WNK3: variants seen among roughly 807,000 people sequenced by gnomAD.
WNK3 encodes WNK lysine deficient protein kinase 3.
WNK3 carries 18 observed loss-of-function variants against 116.7 expected under a neutral mutation model. The ratio of observed to expected loss-of-function variants is 0.15; its 90% CI spans 0.11 to 0.23. The LOEUF (loss-of-function observed/expected upper bound fraction) is 0.23. Ranked by LOEUF, WNK3 falls within the 10% of genes least tolerant of loss-of-function variation. The pLI is 1.00. For synonymous variants in WNK3, 404 were observed against 469.4 expected, an observed-to-expected ratio of 0.86 and a Z score of 1.80; for missense variants, 993 against 1,323.8, an observed-to-expected ratio of 0.75 and a Z score of 3.88.
At chrX:54,280,165 C>T (rs1346847543) in intron 10 of WNK3, among the ~76,000 whole-genome samples, 1 of 110,746 alleles carries the variant, frequency 9.0e-6, no homozygotes, top group Non-Finnish European at 1.9e-5. Flanking sequence ...GGCACGGTGG[C>T]AGGCAACTGT....
chrX:54,197,010 C>A (rs782098355), exon 24 of WNK3: 1 of 112,161 alleles, frequency 8.9e-6, no homozygotes, highest in African/African-American at 3.2e-5. Context: ...CTAGGGTCTA[C>A]TATCTCACTG....
In WNK3 at chrX:54,347,711, C is replaced by CAT. The variant is rs202219308; in HGVS notation, c.-120+9973_-120+9974dup. ...ATATATATACACATATATATATACA[C>CAT]ATATATATATATAAAACACAATGTA... On this transcript the variant is annotated intron_variant, in intron 1 of 23. Coordinates refer to ENST00000354646, the Ensembl canonical transcript of WNK3. Among the ~76,000 whole-genome samples the CAT allele has an allele frequency of 3.5e-3, 364 of 103,336 alleles. 2 individuals carry two copies. The highest frequency in any genetic ancestry group is 0.012 in the African/African-American group (338 of 28,249). The allele number at this position is 103,336 out of a possible 115,157, so 89.7% of individuals were successfully genotyped here.
intron 22 of WNK3, among the ~76,000 whole-genome samples, chrX:54,216,341 T>C (rs2067695587): frequency 9.3e-6 from 1 of 108,012 alleles, no homozygotes. Context: ...AAGATTTCTA[T>C]TTCCCAAGTG....
At chrX:54,230,610 T>C (rs1460855440) in intron 21 of WNK3, among the ~76,000 whole-genome samples, 1 of 111,982 alleles carries the variant, frequency 8.9e-6, no homozygotes, top group Non-Finnish European at 1.9e-5. Context: ...GGTTTGTTAG[T>C]TTTTAAAAAA....
chrX:54,348,602 T>C (rs981208333), intron 1 of WNK3, among the ~76,000 whole-genome samples: 1 of 112,242 alleles, frequency 8.9e-6, no homozygotes, highest in Admixed American at 9.6e-5. Context: ...CCATGGGCAA[T>C]GTACCAATTT....
At chrX:54,205,267 C>A (rs868959542) in intron 22 of WNK3, among the ~76,000 whole-genome samples, 3 of 102,919 alleles carry the variant, frequency 2.9e-5, no homozygotes, top group Non-Finnish European at 5.8e-5. Context: ...AACCAACCAA[C>A]CAAACAAACA....
intron 10 of WNK3, among the ~76,000 whole-genome samples, chrX:54,273,618 A>T (rs2068409022): frequency 8.9e-6 from 1 of 112,191 alleles, no homozygotes; most frequent in Non-Finnish European, 1.9e-5. Flanking sequence ...ACAGACCATA[A>T]ATGGTAAAGA....
chrX:54,202,018 C>T (rs1557141744), exon 23 of WNK3: 4 of 1,209,748 alleles, frequency 3.3e-6, no homozygotes, highest in Non-Finnish European at 4.5e-6. Context: ...AGTTTTCTGT[C>T]TCTAGTTTGT....
At chrX:54,328,534 C>A (rs898511905) in intron 2 of WNK3, among the ~76,000 whole-genome samples, 1 of 109,327 alleles carries the variant, frequency 9.1e-6, no homozygotes, top group African/African-American at 3.3e-5. Flanking sequence ...TGAGCCCAGG[C>A]ATTCGAGGTT....
intron 2 of WNK3, among the ~76,000 whole-genome samples, chrX:54,327,959 A>G (rs1399910739): frequency 9.3e-6 from 1 of 108,082 alleles, no homozygotes; most frequent in Non-Finnish European, 1.9e-5. Context: ...ACAGAGGGAG[A>G]CCCTGTCTCA....
At chrX:54,299,718 C>G (rs1206700097) in intron 6 of WNK3, among the ~76,000 whole-genome samples, 1 of 110,901 alleles carries the variant, frequency 9.0e-6, no homozygotes, top group African/African-American at 3.3e-5. Flanking sequence ...AAGACTAAAG[C>G]GAGATGTGTT....
At chrX:54,347,191 T>C (rs2069443267) in intron 1 of WNK3, among the ~76,000 whole-genome samples, 1 of 112,382 alleles carries the variant, frequency 8.9e-6, no homozygotes, top group African/African-American at 3.2e-5. Context: ...GGAATATATA[T>C]AAAGACAACC....
chrX:54,304,449 G>A (rs1431763390), intron 5 of WNK3, among the ~76,000 whole-genome samples: 2 of 108,965 alleles, frequency 1.8e-5, no homozygotes, highest in East Asian at 5.8e-4. Context: ...GCTGAGGTGA[G>A]AGGATTGCCT....
intron 2 of WNK3, among the ~76,000 whole-genome samples, chrX:54,321,595 C>T (rs182663111): frequency 3.6e-5 from 4 of 111,607 alleles, no homozygotes; most frequent in African/African-American, 9.8e-5. Context: ...TAAGAAATCA[C>T]GGTATAATAG....
intron 10 of WNK3, among the ~76,000 whole-genome samples, chrX:54,291,593 T>C (rs2068641111): frequency 9.0e-6 from 1 of 111,710 alleles, no homozygotes; most frequent in African/African-American, 3.3e-5. Flanking sequence ...AACTACCACA[T>C]GAGCTCAATT....
intron 10 of WNK3, among the ~76,000 whole-genome samples, chrX:54,262,924 C>A (rs2068270470): frequency 2.0e-5 from 1 of 49,536 alleles, no homozygotes; most frequent in African/African-American, 9.1e-5. Flanking sequence ...AAGAGTGAAA[C>A]TGTCTCAAAA....
intron 10 of WNK3, among the ~76,000 whole-genome samples, chrX:54,271,271 T>C (rs2068381177): frequency 8.9e-6 from 1 of 111,946 alleles, no homozygotes. Context: ...CCTAGGCTTC[T>C]CTTCTGAAGC....
intron 10 of WNK3, among the ~76,000 whole-genome samples, chrX:54,260,875 C>T (rs2068247990): frequency 9.3e-6 from 1 of 107,724 alleles, no homozygotes; most frequent in Non-Finnish European, 1.9e-5. Flanking sequence ...GCGCGTACCA[C>T]CACACCCGGC....
exon 24 of WNK3, chrX:54,198,371 T>C (rs375856558): frequency 3.3e-6 from 4 of 1,209,264 alleles, no homozygotes; most frequent in Admixed American, 2.2e-5. Flanking sequence ...ACTGATGAAG[T>C]TGGAAATGCC....
Sources: allele counts gnomAD v4.1 joint callset (sites outside exome capture counted in the v4.1 genomes callset), GRCh38; gene constraint gnomAD v4.1.1; transcripts MANE v1.5; gene names NCBI Gene and HGNC (gene_info 2026-07-23, HGNC 2026-07-21).